Variants in ZSCAN18 observed in about 807,000 individuals in gnomAD.
The protein encoded by ZSCAN18 is zinc finger and SCAN domain containing 18, also known as zinc finger and SCAN domain-containing protein 18.
A neutral mutation model predicts 31.1 loss-of-function variants in ZSCAN18; 16 were observed. The ratio of observed to expected loss-of-function variants is 0.51; its 90% CI spans 0.35 to 0.78. ZSCAN18 has a LOEUF of 0.78. ZSCAN18 is among the 30% of genes least tolerant of loss of function. ZSCAN18 has a pLI of 0.01. For missense variants in ZSCAN18, 731 were observed against 697.4 expected (o/e 1.05, Z -0.54); for synonymous variants, 375 against 320.7 (o/e 1.17, Z -1.81).
chr19:58,089,817 C>T, intron 2 of ZSCAN18, 48 bp downstream of exon 2: 1 of 1,544,330 alleles, frequency 6.5e-7, no homozygotes, highest in Non-Finnish European at 8.7e-7. Flanking sequence ...CTTCCAGGAT[C>T]CCCTCCCCAT....
intron 1 of ZSCAN18, chr19:58,107,926 A>G: frequency 9.3e-7 from 1 of 1,075,782 alleles, no homozygotes; most frequent in Non-Finnish European, 1.1e-6. Context: ...TTACACTCGT[A>G]GGGCTTCTCA....
intron 3 of ZSCAN18, 158 bp from the exon 4 acceptor site, chr19:58,087,562 C>T (rs2145972902): frequency 1.5e-6 from 1 of 645,560 alleles, no homozygotes; most frequent in Non-Finnish European, 2.6e-6. Flanking sequence ...CCCTGATTTA[C>T]AAAGCAGCGC....
chr19:58,085,487 G>T, intron 6 of ZSCAN18, 108 bp from the exon 7 acceptor site: 1 of 1,003,094 alleles, frequency 1.0e-6, no homozygotes, highest in Non-Finnish European at 1.4e-6. Flanking sequence ...CCGGGCTCTG[G>T]ATCCCCGCGG....
upstream of ZSCAN18, among the ~76,000 whole-genome samples, chr19:58,099,821 T>C (rs2074577092): frequency 6.6e-6 from 1 of 152,216 alleles, no homozygotes. Context: ...TGGTTTCAAT[T>C]TGCATTTCCC....
At chr19:58,097,122 A>C (rs2074533102) in intron 1 of ZSCAN18, among the ~76,000 whole-genome samples, 1 of 152,178 alleles carries the variant, frequency 6.6e-6, no homozygotes, top group South Asian at 2.1e-4. Flanking sequence ...AGGAGGTGAC[A>C]TGGAACCAAG....
At chr19:58,086,097 G>T in intron 6 of ZSCAN18, 77 bp downstream of exon 6, 1 of 1,268,546 alleles carries the variant, frequency 7.9e-7, no homozygotes, top group Non-Finnish European at 1.1e-6. Flanking sequence ...GGCTGATGGC[G>T]CTGGGAGGGG....
chr19:58,103,415 G>A (rs566478136), intron 1 of ZSCAN18, among the ~76,000 whole-genome samples: 2 of 152,228 alleles, frequency 1.3e-5, no homozygotes, highest in Non-Finnish European at 2.9e-5. Flanking sequence ...TGCTCTCTGT[G>A]TCTCTGTGTC....
chr19:58,098,344 G>A (rs928795828), upstream of ZSCAN18: 58 of 985,374 alleles, frequency 5.9e-5, no homozygotes, highest in Non-Finnish European at 6.7e-5. Flanking sequence ...AGGTGACAGT[G>A]CGCATGGCCA....
In ZSCAN18 at chr19:58,084,719, T is replaced by G; in HGVS notation, c.1499A>C (p.Glu500Ala). Residue 500 changes from glutamate to alanine, a missense_variant, in exon 7 of 7, where the codon GAG becomes GCG. Physicochemically the swap from Glu to Ala is moderately radical, Grantham distance 107. Around this residue, in one of 4 missense-constraint regions of ZSCAN18, gnomAD observed 597 missense variants for 499.5 expected, o/e 1.20. Coordinates refer to ENST00000601144, the MANE Select transcript of ZSCAN18 (RefSeq NM_001145543.2). This position sits in a 1 kb window ranked among gnomAD's most constrained non-coding sequence, Gnocchi z 4.5. ...AGGPPESVEGEAPPAPPEAQR is the reference protein window; with the variant it reads ...AGGPPESVEGAAPPAPPEAQR ...CGCCTCTGGGGGTGCGGGGGGAGCC[T>G]CGCCCTCCACGCTCTCTGGGGGACC... 6.6e-7 allele frequency: 1 copy of G among 1,515,266 alleles called. No individual in the cohort carries two copies. The highest frequency in any genetic ancestry group is 1.4e-5 in the African/African-American group (1 of 71,990). The allele number at this position is 1,515,266 out of a possible 1,614,324, so 93.9% of individuals were successfully genotyped here.
chr19:58,107,547 G>A (rs564284130), intron 1 of ZSCAN18: 3 of 638,534 alleles, frequency 4.7e-6, no homozygotes, highest in South Asian at 6.9e-5. Flanking sequence ...GGTGACAAGA[G>A]TGAAACTCTG....
chr19:58,106,243 C>T (rs1408869505), intron 1 of ZSCAN18, among the ~76,000 whole-genome samples: 1 of 151,572 alleles, frequency 6.6e-6, no homozygotes, highest in Non-Finnish European at 1.5e-5. Context: ...CTCTACAAAA[C>T]ATAAAAAAAA....
intron 1 of ZSCAN18, among the ~76,000 whole-genome samples, chr19:58,112,323 T>C (rs1487603384): frequency 6.6e-6 from 1 of 152,124 alleles, no homozygotes; most frequent in Non-Finnish European, 1.5e-5. Flanking sequence ...GTGTGAGCCA[T>C]TGCGTCTAGC....
chr19:58,085,988 G>A, intron 6 of ZSCAN18, 186 bp downstream of exon 6: 1 of 609,306 alleles, frequency 1.6e-6, no homozygotes, highest in East Asian at 2.8e-5. Flanking sequence ...GGGGTGGTCT[G>A]TCATGCAGCA....
upstream of ZSCAN18, among the ~76,000 whole-genome samples, chr19:58,099,946 C>A (rs1252342629): frequency 1.4e-5 from 2 of 144,414 alleles, no homozygotes; most frequent in Non-Finnish European, 3.0e-5. Flanking sequence ...AAAAAAATTG[C>A]TCAGTTTTGA....
chr19:58,089,312 A>C (rs2074358554), intron 2 of ZSCAN18, among the ~76,000 whole-genome samples: 1 of 79,558 alleles, frequency 1.3e-5, no homozygotes, highest in Non-Finnish European at 2.8e-5. Flanking sequence ...CAAAAAAAAA[A>C]AAAAAAAAAA....
upstream of ZSCAN18, among the ~76,000 whole-genome samples, chr19:58,098,945 A>T (rs558968326): frequency 6.6e-6 from 1 of 152,252 alleles, no homozygotes; most frequent in South Asian, 2.1e-4. Context: ...AAATGAGGGA[A>T]ATGTGAGTGG....
In ZSCAN18 at chr19:58,085,172, G is replaced by A; in HGVS notation, c.1046C>T (p.Ser349Leu). Residue 349 changes from serine (S) to leucine (L), a missense_variant, in exon 7 of 7, where the codon TCG becomes TTG. This residue lies in a region of ZSCAN18 where 597 missense variants were observed against 499.5 expected (regional missense o/e 1.20). Transcript: ENST00000601144. The part of the protein sequence containing the change: ...QDAESDSATG[S>L]QRQSVIQQPA... ...CTGCTGGATGACGGACTGCCTCTGC[G>A]ATCCGGTGGCAGAGTCGGACTCCGC... 2 of 1,610,816 alleles carry A rather than the reference G, an allele frequency of 1.2e-6. No homozygotes were observed. Among genetic ancestry groups the A allele is most frequent in the African/African-American group, 1.3e-5 (1 of 75,006 alleles).
intron 1 of ZSCAN18, among the ~76,000 whole-genome samples, chr19:58,105,616 G>A (rs982544550): frequency 6.6e-6 from 1 of 152,124 alleles, no homozygotes; most frequent in Admixed American, 6.5e-5. Flanking sequence ...AGCAGAGATC[G>A]CACCACTGCA....
chr19:58,085,415 G>T, intron 6 of ZSCAN18, 36 bp from the exon 7 acceptor site: 3 of 1,515,640 alleles, frequency 2.0e-6, no homozygotes, highest in Non-Finnish European at 1.8e-6. Context: ...TGAGCGCCCC[G>T]CCCAGGGCCA....
Sources: allele counts gnomAD v4.1 joint callset (sites outside exome capture counted in the v4.1 genomes callset), GRCh38; gene constraint gnomAD v4.1.1; regional missense constraint gnomAD v4.1.1; non-coding constraint Gnocchi (gnomAD v3.1); transcripts MANE v1.5; gene names NCBI Gene and HGNC (gene_info 2026-07-23, HGNC 2026-07-21).